GRXCR1: variants seen among roughly 807,000 people sequenced by gnomAD.
GRXCR1 encodes glutaredoxin domain-containing cysteine-rich protein 1.
Under a neutral mutation model 27.3 loss-of-function variants are expected in GRXCR1, and 27 were observed. The ratio of observed to expected loss-of-function variants is 0.99; its 90% CI spans 0.73 to 1.37. The LOEUF is 1.37. GRXCR1 is among the 40% of genes most tolerant of loss of function. The pLI is 0.00. For missense variants in GRXCR1, 379 were observed against 354.4 expected (o/e 1.07, Z -0.56); for synonymous variants, 122 against 131.1 (o/e 0.93, Z 0.47).
At position 42,963,431 on chromosome 4, in the gene GRXCR1, T is replaced by A. The variant is rs141447746; in HGVS notation, c.627+297T>A. Among the ~76,000 whole-genome samples the A allele has an allele frequency of 1.1e-3, 170 of 152,026 alleles. 1 individual carries two copies. The East Asian group carries it at 0.024, about 21-fold the overall frequency. Reference sequence around the variant, plus strand: ...GCACTGTGAAGCTTGGCATGTGGGATAAAGACTGTATTTTTAGTGTAGGCA... The same window carrying A: ...GCACTGTGAAGCTTGGCATGTGGGAAAAAGACTGTATTTTTAGTGTAGGCA... On this transcript the variant is annotated intron_variant, in intron 2 of 3. Transcript: ENST00000399770.
intron 2 of GRXCR1, among the ~76,000 whole-genome samples, chr4:42,992,347 C>T (rs1358894897): frequency 1.3e-5 from 2 of 152,120 alleles, no homozygotes; most frequent in Non-Finnish European, 2.9e-5. Context: ...CTGGGATAAT[C>T]ATTTTGTATT....
intron 1 of GRXCR1, among the ~76,000 whole-genome samples, chr4:42,911,175 T>C (rs1347950447): frequency 6.6e-6 from 1 of 152,172 alleles, no homozygotes; most frequent in African/African-American, 2.4e-5. Context: ...AATGAATGAA[T>C]ACATTCTGAT....
chr4:42,979,260 C>T (rs539244395), intron 2 of GRXCR1, among the ~76,000 whole-genome samples: 108 of 152,112 alleles, frequency 7.1e-4, no homozygotes, highest in African/African-American at 2.6e-3. Flanking sequence ...TTGTCTTGTT[C>T]TAGATCTTAG....
At chr4:42,919,605 A>G (rs1459066722) in intron 1 of GRXCR1, among the ~76,000 whole-genome samples, 6 of 152,080 alleles carry the variant, frequency 3.9e-5, no homozygotes, top group Admixed American at 2.0e-4. Context: ...TGTGAAAGAA[A>G]TACATTTGGA....
At chr4:42,959,408 A>G (rs1175457311) in intron 1 of GRXCR1, among the ~76,000 whole-genome samples, 2 of 151,758 alleles carry the variant, frequency 1.3e-5, no homozygotes, top group African/African-American at 4.8e-5. Context: ...GAACAGTTGA[A>G]TGGTGGCTGT....
chr4:43,015,936 G>A (rs1008982771), intron 2 of GRXCR1, among the ~76,000 whole-genome samples: 1 of 152,004 alleles, frequency 6.6e-6, no homozygotes, highest in African/African-American at 2.4e-5. Context: ...TGTCCCATGT[G>A]GAATTCCAGA....
intron 1 of GRXCR1, among the ~76,000 whole-genome samples, chr4:42,944,282 T>A (rs531142463): frequency 6.6e-6 from 1 of 152,038 alleles, no homozygotes; most frequent in Non-Finnish European, 1.5e-5. Flanking sequence ...TTTGAGATTG[T>A]ATCAGGATTT....
At chr4:43,004,629 A>C (rs2196503) in intron 2 of GRXCR1, among the ~76,000 whole-genome samples, 71,639 of 151,956 alleles carry the variant, frequency 0.47, 17,311 homozygotes, top group East Asian at 0.79. Context: ...CATGTAGTCA[A>C]AGGAGATTAT....
intron 1 of GRXCR1, among the ~76,000 whole-genome samples, chr4:42,902,072 T>C (rs1232436684): frequency 2.0e-5 from 3 of 152,192 alleles, no homozygotes; most frequent in Non-Finnish European, 4.4e-5. Context: ...TAAAATCTTT[T>C]TGGACTCTGG....
intron 2 of GRXCR1, among the ~76,000 whole-genome samples, chr4:42,998,887 G>C (rs555130026): frequency 7.2e-5 from 11 of 152,314 alleles, no homozygotes; most frequent in Non-Finnish European, 1.3e-4. Context: ...TTGGCAAATT[G>C]GTAGATTTGG....
chr4:43,007,559 A>G (rs1013482117), intron 2 of GRXCR1, among the ~76,000 whole-genome samples: 1 of 152,250 alleles, frequency 6.6e-6, no homozygotes, highest in African/African-American at 2.4e-5. Flanking sequence ...GCAAGCAAGA[A>G]TAAAACCAGG....
intron 1 of GRXCR1, among the ~76,000 whole-genome samples, chr4:42,948,859 C>T (rs1747807328): frequency 1.3e-5 from 2 of 152,066 alleles, no homozygotes; most frequent in Non-Finnish European, 2.9e-5. Context: ...CCGGCAAAGG[C>T]AAGACAAGGA....
chr4:42,997,230 CT>C (rs1375315659), intron 2 of GRXCR1, among the ~76,000 whole-genome samples: 1 of 152,000 alleles, frequency 6.6e-6, no homozygotes, highest in Non-Finnish European at 1.5e-5. Flanking sequence ...ATTTGGTTTG[CT>C]TTTTTTCCCT....
intron 2 of GRXCR1, among the ~76,000 whole-genome samples, chr4:43,012,518 G>C (rs1712792066): frequency 6.6e-6 from 1 of 151,986 alleles, no homozygotes; most frequent in South Asian, 2.1e-4. Flanking sequence ...ATGTTTGTGT[G>C]CTTGACAATG....
At chr4:42,966,168 AT>A (rs202035662) in intron 2 of GRXCR1, among the ~76,000 whole-genome samples, 8 of 151,692 alleles carry the variant, frequency 5.3e-5, no homozygotes, top group Non-Finnish European at 7.4e-5. Flanking sequence ...TGCATCAGAA[AT>A]TTTTTTTTAC....
At chr4:43,027,136 AATTT>A (rs1325958075) in intron 3 of GRXCR1, among the ~76,000 whole-genome samples, 1 of 152,206 alleles carries the variant, frequency 6.6e-6, no homozygotes, top group African/African-American at 2.4e-5. Flanking sequence ...TTTCAATAGG[AATTT>A]ATTAATAAAA....
Position 43,030,435 on chromosome 4 carries a change from C to A in GRXCR1, c.768C>A (p.Ser256Arg), listed in dbSNP as rs1713390544. 1 of 1,613,962 alleles carries A rather than the reference C, an allele frequency of 6.2e-7. No homozygotes were observed. The highest frequency in any genetic ancestry group is 8.5e-7 in the Non-Finnish European group (1 of 1,179,910). Residue 256 changes from serine to arginine, a missense_variant, in exon 4 of 4, where the codon AGC (serine) becomes AGA (arginine). Coordinates refer to ENST00000399770, the MANE Select transcript of GRXCR1 (RefSeq NM_001080476.3). ...TTCCATGCTCCGTGTGCCATGGGAG[C>A]AAGATGTCCATGTTTCGAAACTGCT... ...GFLPCSVCHG[S>R]KMSMFRNCFT...
At chr4:42,986,025 G>A (rs1711713741) in intron 2 of GRXCR1, among the ~76,000 whole-genome samples, 1 of 152,188 alleles carries the variant, frequency 6.6e-6, no homozygotes, top group Admixed American at 6.5e-5. Flanking sequence ...AGGGATTTGA[G>A]AATGTAAATA....
At chr4:42,971,555 G>C (rs1748387606) in intron 2 of GRXCR1, among the ~76,000 whole-genome samples, 1 of 151,698 alleles carries the variant, frequency 6.6e-6, no homozygotes. Flanking sequence ...CAGAGCAGGA[G>C]AGAGAGTGAG....
Sources: allele counts gnomAD v4.1 joint callset (sites outside exome capture counted in the v4.1 genomes callset), GRCh38; gene constraint gnomAD v4.1.1; transcripts MANE v1.5; gene names NCBI Gene and HGNC (gene_info 2026-07-23, HGNC 2026-07-21).